The following AKAP19 variants were observed in gnomAD, a reference collection of about 807,000 sequenced individuals.
The protein encoded by AKAP19 is A-kinase anchoring protein 19, also known as small A-kinase anchoring protein.
At chr2:190,123,408 A>G in the AKAP19 span, among the ~76,000 whole-genome samples, 1 of 152,078 alleles carries the variant, frequency 6.6e-6, no homozygotes, top group Non-Finnish European at 1.5e-5. Context: ...TTTCCCTGGC[A>G]AAGCTTGATA....
At chr2:190,005,229 G>C in the AKAP19 span, among the ~76,000 whole-genome samples, 1 of 152,184 alleles carries the variant, frequency 6.6e-6, no homozygotes, top group South Asian at 2.1e-4. Flanking sequence ...AGGGAGACCT[G>C]ACCAGGTTGC....
At chr2:190,201,435 G>A in the AKAP19 span, 4 of 166,908 alleles carry the variant, frequency 2.4e-5, no homozygotes, top group African/African-American at 9.7e-5. Flanking sequence ...GAGTTTAAAT[G>A]GAAAGGAAAT....
the AKAP19 span, among the ~76,000 whole-genome samples, chr2:190,162,867 C>G: frequency 6.6e-6 from 1 of 151,978 alleles, no homozygotes; most frequent in Admixed American, 6.6e-5. Flanking sequence ...AAATTTAAAG[C>G]TGAGAAATTA....
chr2:189,932,508 A>C, the AKAP19 span, among the ~76,000 whole-genome samples: 11 of 151,786 alleles, frequency 7.2e-5, no homozygotes, highest in Non-Finnish European at 1.6e-4. Context: ...CACATTTATT[A>C]GTTGGAATTC....
At chr2:190,145,655 A>T in the AKAP19 span, among the ~76,000 whole-genome samples, 39 of 152,216 alleles carry the variant, frequency 2.6e-4, no homozygotes, top group African/African-American at 8.2e-4. Context: ...TTTGTAGCCT[A>T]GGAGCAATAG....
chr2:190,069,596 G>A, the AKAP19 span, among the ~76,000 whole-genome samples: 1 of 152,138 alleles, frequency 6.6e-6, no homozygotes, highest in Non-Finnish European at 1.5e-5. Context: ...GGAGACTCAT[G>A]TTTTATTTCC....
the AKAP19 span, among the ~76,000 whole-genome samples, chr2:190,124,480 A>T: frequency 6.6e-6 from 1 of 151,896 alleles, no homozygotes; most frequent in African/African-American, 2.4e-5. Flanking sequence ...AAACTACAGC[A>T]TAAAAGATTT....
chr2:189,913,674 G>T, the AKAP19 span, among the ~76,000 whole-genome samples: 1 of 152,034 alleles, frequency 6.6e-6, no homozygotes, highest in Admixed American at 6.5e-5. Context: ...ATTATCATTT[G>T]TAGCTTAAAC....
the AKAP19 span, among the ~76,000 whole-genome samples, chr2:189,964,022 G>A: frequency 6.6e-6 from 1 of 152,254 alleles, no homozygotes; most frequent in East Asian, 1.9e-4. Flanking sequence ...TCAAAGTACT[G>A]GGACTGCAGG....
chr2:190,174,437 C>CA, the AKAP19 span, among the ~76,000 whole-genome samples: 1 of 152,310 alleles, frequency 6.6e-6, no homozygotes, highest in African/African-American at 2.4e-5. Context: ...TTAACTTCTT[C>CA]AGGATAAATA....
At chr2:190,056,761 A>G in the AKAP19 span, 1 of 164,982 alleles carries the variant, frequency 6.1e-6, no homozygotes, top group Non-Finnish European at 1.3e-5. Flanking sequence ...ATGCTGCACC[A>G]TCCCTATTTT....
chr2:189,896,625 A>T, the AKAP19 span, among the ~76,000 whole-genome samples: 1 of 152,208 alleles, frequency 6.6e-6, no homozygotes, highest in Non-Finnish European at 1.5e-5. Context: ...TGATATAAAG[A>T]TGCATTCTAT....
chr2:190,061,369 C>A, the AKAP19 span, among the ~76,000 whole-genome samples: 1 of 151,934 alleles, frequency 6.6e-6, no homozygotes, highest in South Asian at 2.1e-4. Context: ...GAGCTGACTG[C>A]AAAAGGAATT....
chr2:189,923,533 T>C, the AKAP19 span: 1 of 1,613,954 alleles, frequency 6.2e-7, no homozygotes, highest in Admixed American at 1.7e-5. Context: ...CCCGGGCTGC[T>C]GTAGCAGGAG....
At chr2:190,070,622 C>CCCG in the AKAP19 span, among the ~76,000 whole-genome samples, 5 of 136,598 alleles carry the variant, frequency 3.7e-5, no homozygotes, top group African/African-American at 1.4e-4. Flanking sequence ...TCTCCCCCCC[C>CCCG]CCTTTTTTTT....
At chr2:189,965,659 G>C in the AKAP19 span, among the ~76,000 whole-genome samples, 3 of 152,120 alleles carry the variant, frequency 2.0e-5, no homozygotes, top group Non-Finnish European at 4.4e-5. Context: ...ATAGATGTTG[G>C]TGTGGATGTG....
chr2:189,904,237 A>G, the AKAP19 span, among the ~76,000 whole-genome samples: 1 of 152,060 alleles, frequency 6.6e-6, no homozygotes, highest in East Asian at 1.9e-4. Context: ...AGAAATTGCC[A>G]TCATATACAT....
chr2:190,165,093 A>G, the AKAP19 span, among the ~76,000 whole-genome samples: 4 of 152,222 alleles, frequency 2.6e-5, no homozygotes, highest in Non-Finnish European at 4.4e-5. Context: ...TCTTATAAGA[A>G]CCAGAACCCT....
At chr2:189,924,259 C>T in the AKAP19 span, 7 of 1,285,570 alleles carry the variant, frequency 5.4e-6, no homozygotes, top group South Asian at 4.8e-5. Context: ...TATTTCTTTA[C>T]CTAGGCGCTT....
Sources: allele counts gnomAD v4.1 joint callset (sites outside exome capture counted in the v4.1 genomes callset), GRCh38; gene constraint gnomAD v4.1.1; transcripts MANE v1.5; gene names NCBI Gene and HGNC (gene_info 2026-07-23, HGNC 2026-07-21).